The following TTC8 variants were observed in gnomAD, a reference collection of about 807,000 sequenced individuals.
TTC8 encodes tetratricopeptide repeat domain 8, also known as tetratricopeptide repeat protein 8.
TTC8 carries 47 observed loss-of-function variants against 72.5 expected under a neutral mutation model. The ratio of observed to expected loss-of-function variants is 0.65; its 90% CI spans 0.51 to 0.83. The LOEUF (loss-of-function observed/expected upper bound fraction) is 0.83. Ranked by LOEUF, TTC8 falls within the 40% of genes least tolerant of loss-of-function variation. The pLI is 0.00. For missense variants in TTC8, 611 were observed against 623.2 expected, an observed-to-expected ratio of 0.98 and a Z score of 0.21; for synonymous variants, 199 against 221.4, an observed-to-expected ratio of 0.90 and a Z score of 0.90.
At chr14:88,865,034 T>C (rs903131557) in intron 10 of TTC8, among the ~76,000 whole-genome samples, 4 of 152,244 alleles carry the variant, frequency 2.6e-5, no homozygotes, top group African/African-American at 9.6e-5. Flanking sequence ...TATGTTGAAC[T>C]GCTTATTGTT....
At chr14:88,879,329 A>G (rs2094966912), downstream of TTC8, 1 of 152,154 alleles carries the variant, frequency 6.6e-6, no homozygotes, top group South Asian at 2.1e-4. Context: ...GAACACAAAA[A>G]ATACTAATAA....
At chr14:88,828,735 G>C (rs76064559) in intron 1 of TTC8, among the ~76,000 whole-genome samples, 7,721 of 152,054 alleles carry the variant, frequency 0.051, 271 homozygotes, top group Non-Finnish European at 0.069. Context: ...TTTATAAGCT[G>C]GTCCAGGGAG....
intron 9 of TTC8, among the ~76,000 whole-genome samples, chr14:88,859,724 A>C (rs568132565): frequency 1.3e-5 from 2 of 151,158 alleles, no homozygotes; most frequent in Non-Finnish European, 2.9e-5. Flanking sequence ...GGAGTTCGAG[A>C]CCAGCCTGGA....
At chr14:88,843,041 A>AGGGC (rs1432987744) in intron 6 of TTC8, among the ~76,000 whole-genome samples, 5 of 152,110 alleles carry the variant, frequency 3.3e-5, no homozygotes, top group African/African-American at 4.8e-5. Flanking sequence ...GATATTTTCC[A>AGGGC]GGGCTGTTAG....
chr14:88,848,211 A>C (rs1309306233), intron 7 of TTC8, among the ~76,000 whole-genome samples: 9 of 151,612 alleles, frequency 5.9e-5, no homozygotes, highest in Admixed American at 5.9e-4. Context: ...CAGAAAATTT[A>C]CATTAGAAAA....
intron 9 of TTC8, 118 bp from the exon 10 acceptor site, chr14:88,861,104 A>G (rs1416585536): frequency 1.2e-6 from 1 of 831,542 alleles, no homozygotes; most frequent in East Asian, 2.9e-5. Context: ...ACACCCGGCT[A>G]AAAATTCTTT....
chr14:88,824,333 C>G (rs1401764791), upstream of TTC8: 1 of 246,144 alleles, frequency 4.1e-6, no homozygotes, highest in Non-Finnish European at 8.1e-6. Context: ...ACTCCAGGGA[C>G]TCTTCCGGAC....
intron 3 of TTC8, 66 bp downstream of exon 3, chr14:88,839,638 G>C: frequency 6.5e-7 from 1 of 1,544,412 alleles, no homozygotes; most frequent in Admixed American, 1.7e-5. Flanking sequence ...GTGTATAAGA[G>C]GAATATATAT....
intron 14 of TTC8, among the ~76,000 whole-genome samples, chr14:88,876,563 C>G (rs970749523): frequency 6.6e-6 from 1 of 152,034 alleles, no homozygotes; most frequent in Non-Finnish European, 1.5e-5. Flanking sequence ...CCCAGTTACC[C>G]TGATTTGATC....
At chr14:88,841,395 A>T in intron 5 of TTC8, 30 bp from the exon 6 acceptor site, 1 of 1,606,530 alleles carries the variant, frequency 6.2e-7, no homozygotes, top group Non-Finnish European at 8.5e-7. Context: ...AAAGTTTCAG[A>T]TCTCTTGGTC....
In TTC8 at chr14:88,841,373, A is replaced by C. The variant is rs372603410; in HGVS notation, c.490-52A>C. 5,777 of 1,607,512 alleles carry C rather than the reference A, an allele frequency of 3.6e-3. 231 individuals are homozygous for C. The South Asian group carries it at 0.058, about 16-fold the overall frequency. On this transcript the variant is annotated intron_variant, in intron 5 of 14. Coordinates refer to ENST00000380656, the MANE Select transcript of TTC8 (RefSeq NM_144596.4). ...ATTTTTATGCATATTAAACTTGTTT[A>C]CATTTCAAGAGAAAGTTTCAGATCT...
intron 8 of TTC8, among the ~76,000 whole-genome samples, chr14:88,853,363 A>G (rs562842786): frequency 4.6e-4 from 70 of 152,328 alleles, no homozygotes; most frequent in African/African-American, 1.6e-3. Flanking sequence ...GTAACAGACC[A>G]GGGACTAGAA....
intron 3 of TTC8, 43 bp from the exon 4 acceptor site, chr14:88,840,822 T>A (rs1431602250): frequency 8.8e-6 from 14 of 1,588,032 alleles, no homozygotes; most frequent in Non-Finnish European, 1.1e-5. Context: ...TTTTACAGAT[T>A]AATAGATAAT....
intron 10 of TTC8, 105 bp from the exon 11 acceptor site, chr14:88,869,952 CCT>C: frequency 8.9e-7 from 1 of 1,125,832 alleles, no homozygotes; most frequent in Non-Finnish European, 1.3e-6. Context: ...CACATGGTAG[CCT>C]CTCAATAAAT....
chr14:88,839,334 G>C (rs994451450), intron 2 of TTC8, 118 bp from the exon 3 acceptor site: 3 of 1,024,210 alleles, frequency 2.9e-6, no homozygotes, highest in Non-Finnish European at 4.3e-6. Context: ...AATGTGTTAA[G>C]AGGTAAACAT....
Position 88,852,983 on chromosome 14 carries a change from G to T in TTC8, c.637G>T (p.Ala213Ser). ...ENDVKTALDLAALSTEHSQYK... is the reference protein window; with the variant it reads ...ENDVKTALDLSALSTEHSQYK... ...ATTGTTTTCAAAGGCTTTGGATCTGGCTGCCCTCTCCACAGAACATTCTCA... is the reference window on the plus strand; with the variant it reads ...ATTGTTTTCAAAGGCTTTGGATCTGTCTGCCCTCTCCACAGAACATTCTCA... Residue 213 changes from alanine (A) to serine (S), a missense_variant, in exon 8 of 15, where the codon GCT becomes TCT. Physicochemically the swap from Ala to Ser is moderately conservative, Grantham distance 99 (BLOSUM62 1). Coordinates refer to ENST00000380656, the MANE Select transcript of TTC8 (RefSeq NM_144596.4). 2 of 1,613,330 alleles carry T rather than the reference G, an allele frequency of 1.2e-6. No individual in the cohort carries two copies.
In TTC8 at chr14:88,871,578, G is replaced by A; in HGVS notation, c.1079G>A (p.Gly360Asp). 6.2e-7 allele frequency: 1 copy of A among 1,613,958 alleles called. No homozygotes were observed. Among genetic ancestry groups the A allele is most frequent in the Non-Finnish European group, 8.5e-7 (1 of 1,179,978 alleles). ...RRLLQMGIYN[G>D]QLFNNLGLCC... is the part of the protein sequence containing the mutation. Reference sequence around the variant, plus strand: ...CTGCTGCAGATGGGCATTTATAACGGCCAGCTTTTTAACAATCTGGGGCTG... The same window carrying A: ...CTGCTGCAGATGGGCATTTATAACGACCAGCTTTTTAACAATCTGGGGCTG... The change falls in exon 12 of 15, where the codon GGC (glycine) becomes GAC (aspartate). Residue 360 changes from glycine (G) to aspartate (D), a missense_variant. Transcript: ENST00000380656. The surrounding 1 kb of genome is among the most constrained non-coding windows in gnomAD (Gnocchi z 4.1).
chr14:88,866,991 T>C (rs1414157227), intron 10 of TTC8, among the ~76,000 whole-genome samples: 1 of 152,112 alleles, frequency 6.6e-6, no homozygotes, highest in Admixed American at 6.5e-5. Context: ...ATTAAAGATA[T>C]AAAAAACTAA....
In TTC8 at chr14:88,872,422, G is replaced by C; in HGVS notation, c.1317G>C (p.Val439=). The change falls in exon 13 of 15, where the codon GTG becomes GTC. Residue 439 remains valine, a synonymous_variant. Transcript: ENST00000380656. ...NHAEAYNNLA[V]LEMRKGHVEQ... ...CCGAGGCCTACAACAACCTGGCTGT[G>C]CTGGAGATGCGGAAGGGCCACGTTG... The C allele has an allele frequency of 1.2e-6, 2 of 1,614,008 alleles. No homozygotes were observed. Among genetic ancestry groups the C allele is most frequent in the Non-Finnish European group, 1.7e-6 (2 of 1,179,928 alleles).
Sources: gnomAD v4.1 joint callset for allele counts (sites outside exome capture counted in the v4.1 genomes callset) on GRCh38, gnomAD v4.1.1 for gene constraint, Gnocchi (gnomAD v3.1) non-coding constraint, MANE v1.5 for transcripts, NCBI Gene and HGNC (gene_info 2026-07-23, HGNC 2026-07-21) for gene names.